The following GTSE1 variants were observed in gnomAD, a reference collection of about 807,000 sequenced individuals.
GTSE1 encodes the protein G2 and S-phase expressed 1.
A neutral mutation model predicts 60.5 loss-of-function variants in GTSE1; 52 were observed. The ratio of observed to expected loss-of-function variants is 0.86; its 90% confidence interval spans 0.69 to 1.08. The LOEUF (loss-of-function observed/expected upper bound fraction) is 1.08. GTSE1 is among the 50% of genes least tolerant of loss of function. The probability of loss-of-function intolerance (pLI) is 0.00; values close to 1 mark genes in which losing one functional copy is unlikely to be tolerated. For missense variants in GTSE1, 937 were observed against 961.8 expected (o/e 0.97, Z 0.34); for synonymous variants, 368 against 386.5 (o/e 0.95, Z 0.56).
rs968804628 is a variant in GTSE1, at chr22:46,297,109, C to G, written c.-22+178C>G. 2.6e-4 allele frequency among the ~76,000 whole-genome samples: 39 copies of G among 152,192 alleles called. No homozygotes were observed. Among genetic ancestry groups the G allele is most frequent in the African/African-American group, 8.9e-4 (37 of 41,458 alleles). ...GGGATGCCGGGAGGTCTAGGGCTGC[C>G]CCCCAGGCAAACAGAGCCCCCAACA... is the stretch of plus-strand genomic sequence containing the variant. On this transcript the variant is annotated intron_variant, in intron 1 of 11. Transcript: ENST00000454366. The surrounding 1 kb of genome is among the most constrained non-coding windows in gnomAD (Gnocchi z 4.9).
intron 4 of GTSE1, among the ~76,000 whole-genome samples, chr22:46,311,660 A>G (rs2147820037): frequency 6.6e-6 from 1 of 152,340 alleles, no homozygotes; most frequent in South Asian, 2.1e-4. Flanking sequence ...TTGTCCCTAA[A>G]TATGTCAAGA....
chr22:46,302,556 C>G (rs1458165746), intron 2 of GTSE1, among the ~76,000 whole-genome samples: 5 of 152,062 alleles, frequency 3.3e-5, no homozygotes, highest in African/African-American at 1.2e-4. Flanking sequence ...CAGACAAGGT[C>G]TCCCTATGTT....
rs1247287137 is a variant in GTSE1, at chr22:46,321,937, G to C, written c.1433-1253G>C. 1.3e-5 allele frequency among the ~76,000 whole-genome samples: 2 copies of C among 152,040 alleles called. No homozygotes were observed. Among genetic ancestry groups the C allele is most frequent in the Non-Finnish European group, 2.9e-5 (2 of 68,004 alleles). ...AACAATACAAAAATTATCCGGGCGT[G>C]GTGGCGGGCACCTATAATTCCAGCT... On this transcript the variant is annotated intron_variant, in intron 7 of 11. Transcript: ENST00000454366. The surrounding 1 kb of genome is among the most constrained non-coding windows in gnomAD (Gnocchi z 4.0).
intron 2 of GTSE1, among the ~76,000 whole-genome samples, chr22:46,298,800 C>T (rs958727892): frequency 6.6e-6 from 1 of 152,234 alleles, no homozygotes; most frequent in Non-Finnish European, 1.5e-5. Context: ...TTCCCCACTT[C>T]CGTTGACCTG....
At chr22:46,323,301 A>G in intron 8 of GTSE1, 39 bp downstream of exon 8, 1 of 1,460,730 alleles carries the variant, frequency 6.8e-7, no homozygotes, top group Non-Finnish European at 9.6e-7. Context: ...TTATTGCTGT[A>G]GAATGACTCA....
chr22:46,311,238 C>T (rs889764849), intron 4 of GTSE1, among the ~76,000 whole-genome samples: 8 of 152,088 alleles, frequency 5.3e-5, no homozygotes, highest in East Asian at 1.9e-4. Context: ...CCACCACGCC[C>T]GGCTAATTTT....
rs1037974472 is a variant in GTSE1, at chr22:46,324,174, C to T, written c.1505+912C>T. 6.6e-6 allele frequency among the ~76,000 whole-genome samples: 1 copy of T among 152,092 alleles called. No individual in the cohort carries two copies. The highest frequency in any genetic ancestry group is 1.5e-5 in the Non-Finnish European group (1 of 68,020). The stretch of plus-strand genomic sequence containing the variant: ...TCCTGTGTGAGCTTGAGACACGCTT[C>T]GCGAGGTCGAACTAGCCAGTCCCTC... On this transcript the variant is annotated intron_variant, in intron 8 of 11. Coordinates refer to ENST00000454366, the MANE Select transcript of GTSE1 (RefSeq NM_016426.7). This position sits in a 1 kb window ranked among gnomAD's most constrained non-coding sequence, Gnocchi z 5.2.
In GTSE1 at chr22:46,313,977, G is replaced by A. The variant is rs1265661687; in HGVS notation, c.1015G>A (p.Ala339Thr). 1.9e-6 allele frequency: 3 copies of A among 1,614,054 alleles called. No individual in the cohort carries two copies. The highest frequency in any genetic ancestry group is 2.7e-5 in the African/African-American group (2 of 74,948). ...KSSSGPVWSG[A>T]SSACTSPAVG... ...CTCCTCGGGGCCTGTTTGGAGCGGGGCATCCAGTGCGTGCACATCCCCAGC... is the reference window on the plus strand; with the variant it reads ...CTCCTCGGGGCCTGTTTGGAGCGGGACATCCAGTGCGTGCACATCCCCAGC... Residue 339 changes from alanine (A) to threonine (T), a missense_variant, in exon 6 of 12, where the codon GCA becomes ACA. Ala to Thr is a moderately conservative substitution (Grantham distance 58). Transcript: ENST00000454366. The surrounding 1 kb of genome is among the most constrained non-coding windows in gnomAD (Gnocchi z 4.4).
Position 46,308,657 on chromosome 22 carries a change from C to G in GTSE1, c.476C>G (p.Thr159Arg), listed in dbSNP as rs371896148. 3.7e-6 allele frequency: 6 copies of G among 1,614,000 alleles called. No homozygotes were observed. The highest frequency in any genetic ancestry group is 2.2e-5 in the East Asian group (1 of 44,896). ...EKEKEMKKSP[T>R]SLKRETYYLS... ...GAAAAGGAAATGAAGAAAAGCCCCA[C>G]GTCTCTTAAAAGGGAGACATACTAC... The change falls in exon 4 of 12, where the codon ACG becomes AGG. Residue 159 changes from threonine (T) to arginine (R), a missense_variant. Coordinates refer to ENST00000454366, the MANE Select transcript of GTSE1 (RefSeq NM_016426.7).
At chr22:46,322,073 CAAAAAAAA>C (rs769915567) in intron 7 of GTSE1, among the ~76,000 whole-genome samples, 101 of 44,610 alleles carry the variant, frequency 2.3e-3, no homozygotes, top group African/African-American at 8.1e-3. Flanking sequence ...GACTCTGTCT[CAAAAAAAA>C]AAAAAAAAAA....
intron 5 of GTSE1, among the ~76,000 whole-genome samples, chr22:46,312,771 T>G (rs1601907764): frequency 6.6e-6 from 1 of 152,056 alleles, no homozygotes; most frequent in African/African-American, 2.4e-5. Flanking sequence ...GCTGTGTGGG[T>G]TGGGAAAAGT....
intron 8 of GTSE1, among the ~76,000 whole-genome samples, chr22:46,325,668 G>A (rs1034236439): frequency 1.3e-5 from 2 of 152,172 alleles, no homozygotes; most frequent in South Asian, 2.1e-4. Context: ...CTTTTATAAG[G>A]GCACAGATCC....
intron 4 of GTSE1, 87 bp from the exon 5 acceptor site, chr22:46,312,054 C>T (rs2077751366): frequency 1.8e-6 from 2 of 1,129,650 alleles, no homozygotes; most frequent in East Asian, 4.8e-5. Flanking sequence ...GAAGATGGGG[C>T]CTAGGCTCGC....
At position 46,316,266 on chromosome 22, in the gene GTSE1, A is replaced by G; in HGVS notation, c.1286A>G (p.Gln429Arg). 1 of 1,613,784 alleles carries G rather than the reference A, an allele frequency of 6.2e-7. No homozygotes were observed. The highest frequency in any genetic ancestry group is 8.5e-7 in the Non-Finnish European group (1 of 1,179,976). Reference sequence around the variant, plus strand: ...CCCCAGACTCCGGAAGGTGGCGGCCAGTGGCTGAACTCCAGTTGCGCTTGG... The same window carrying G: ...CCCCAGACTCCGGAAGGTGGCGGCCGGTGGCTGAACTCCAGTTGCGCTTGG... The part of the protein sequence containing the change: ...TQPQTPEGGG[Q>R]WLNSSCAWSE... The change falls in exon 7 of 12, where the codon CAG (glutamine) becomes CGG (arginine). Residue 429 changes from glutamine to arginine, a missense_variant. Gln to Arg is a conservative substitution (Grantham distance 43). Transcript: ENST00000454366. The surrounding 1 kb of genome is among the most constrained non-coding windows in gnomAD (Gnocchi z 5.0).
At position 46,310,435 on chromosome 22, in the gene GTSE1, C is replaced by T. The variant is rs139594122; in HGVS notation, c.762+1492C>T. ...CTCAAAAAAATAAATGTAGAGGGTC[C>T]CATGGGACCCAGCAATTCCACTCCT... On this transcript the variant is annotated intron_variant, in intron 4 of 11. Transcript: ENST00000454366. The surrounding 1 kb of genome is among the most constrained non-coding windows in gnomAD (Gnocchi z 4.4). 2.7e-3 allele frequency among the ~76,000 whole-genome samples: 413 copies of T among 152,142 alleles called. 2 individuals carry two copies. Among genetic ancestry groups the T allele is most frequent in the African/African-American group, 9.5e-3 (396 of 41,520 alleles).
rs977334734 is a variant in GTSE1 at position 46,297,596 on chromosome 22, G to A, written c.79+117G>A. 3 of 711,012 alleles carry A rather than the reference G, an allele frequency of 4.2e-6. No homozygotes were observed. The highest frequency in any genetic ancestry group is 5.1e-5 in the Admixed American group (2 of 39,334). 44.0% of individuals were successfully genotyped at this position (711,012 alleles called of 1,614,324 possible). The stretch of plus-strand genomic sequence containing the variant: ...AGTGCTCGACTTGTACTCTGCACCT[G>A]TGAAACACATGACATCTGCCTTCGT... On this transcript the variant is annotated intron_variant, in intron 2 of 11. Transcript: ENST00000454366. This position sits in a 1 kb window ranked among gnomAD's most constrained non-coding sequence, Gnocchi z 4.9.
At chr22:46,322,729 C>A (rs1303683565) in intron 7 of GTSE1, among the ~76,000 whole-genome samples, 2 of 152,120 alleles carry the variant, frequency 1.3e-5, no homozygotes, top group African/African-American at 4.8e-5. Flanking sequence ...TATTATTATC[C>A]CAGTAAAGTC....
intron 7 of GTSE1, 64 bp from the exon 8 acceptor site, chr22:46,323,126 C>T (rs2077823016): frequency 4.8e-6 from 5 of 1,039,768 alleles, no homozygotes; most frequent in Middle Eastern, 2.0e-4. Context: ...CGGTGACGAT[C>T]CCCCAACAGT....
rs1301034883 is a variant in GTSE1, at chr22:46,310,479, G to A, written c.762+1536G>A. Among the ~76,000 whole-genome samples, 1 of 152,248 alleles carries A rather than the reference G, an allele frequency of 6.6e-6. No individual in the cohort carries two copies. Among genetic ancestry groups the A allele is most frequent in the East Asian group, 1.9e-4 (1 of 5,186 alleles). On this transcript the variant is annotated intron_variant, in intron 4 of 11. Transcript: ENST00000454366. The surrounding 1 kb of genome is among the most constrained non-coding windows in gnomAD (Gnocchi z 4.4). The stretch of plus-strand genomic sequence containing the variant: ...CACTCCTTAGTACACAGACCTGAGA[G>A]AATTGAAACCATATCCACAGAAAAA...
Sources: allele counts gnomAD v4.1 joint callset (sites outside exome capture counted in the v4.1 genomes callset), GRCh38; gene constraint gnomAD v4.1.1; non-coding constraint Gnocchi (gnomAD v3.1); transcripts MANE v1.5; gene names NCBI Gene and HGNC (gene_info 2026-07-23, HGNC 2026-07-21).